TMC8: variants seen among roughly 807,000 people sequenced by gnomAD.
The protein encoded by TMC8 is transmembrane channel-like protein 8.
TMC8 carries 71 observed loss-of-function variants against 76.0 expected under a neutral mutation model. That is an observed-to-expected ratio of 0.93 (90% CI 0.77 to 1.14). TMC8 has a LOEUF of 1.14. Ranked by LOEUF, TMC8 falls within the 50% of genes most tolerant of loss-of-function variation. TMC8 has a pLI of 0.00. For missense variants in TMC8, 924 were observed against 947.9 expected (o/e 0.97, Z 0.33); for synonymous variants, 433 against 433.8 (o/e 1.00, Z 0.02).
At chr17:78,131,829 C>T (rs2074987250) in intron 2 of TMC8, 53 bp from the exon 3 acceptor site, 1 of 1,405,298 alleles carries the variant, frequency 7.1e-7, no homozygotes. Context: ...CTGCTTGGCC[C>T]GGGTGGGCAG....
intron 7 of TMC8, 125 bp from the exon 8 acceptor site, chr17:78,134,269 G>A (rs1870782679): frequency 8.2e-7 from 1 of 1,212,744 alleles, no homozygotes; most frequent in Admixed American, 1.7e-5. Context: ...GCATGACAGT[G>A]TGAGAGTTTG....
chr17:78,138,895 G>T (rs1344880852), intron 14 of TMC8, 163 bp downstream of exon 14: 2 of 1,536,748 alleles, frequency 1.3e-6, no homozygotes, highest in Non-Finnish European at 8.7e-7. Flanking sequence ...CCACCCTCTG[G>T]GCTGCCATGG....
chr17:78,133,897 A>C lies in TMC8; in HGVS notation c.713A>C (p.Tyr238Ser). ...LPQKTLLGQGYQAPLSAKVFS... is the reference protein window; with the variant it reads ...LPQKTLLGQGSQAPLSAKVFS... ...CAGAAGACTCTGCTGGGTCAGGGCT[A>C]TCAGGCGCCTCTCAGCGCCAAGGTC... The change falls in exon 7 of 16, where the codon TAT (tyrosine) becomes TCT (serine). Residue 238 changes from tyrosine (Y) to serine (S), a missense_variant. Tyr to Ser is a moderately radical substitution (Grantham distance 144, BLOSUM62 -2). Coordinates refer to ENST00000318430, the MANE Select transcript of TMC8 (RefSeq NM_152468.5). The C allele has an allele frequency of 6.2e-7, 1 of 1,613,496 alleles. No individual in the cohort carries two copies. Among genetic ancestry groups the C allele is most frequent in the Non-Finnish European group, 8.5e-7 (1 of 1,180,046 alleles).
rs936875281 is a variant in TMC8, at chr17:78,132,770, C to T, written c.449-18C>T. 12 of 1,613,602 alleles carry T rather than the reference C, an allele frequency of 7.4e-6. No individual in the cohort carries two copies. The African/African-American group carries it at 8.0e-5, about 11-fold the overall frequency. On this transcript the variant is annotated intron_variant, in intron 4 of 15. Coordinates refer to ENST00000318430, the MANE Select transcript of TMC8 (RefSeq NM_152468.5). ...GCCTTGGGGATCCCTCTCTATTGAC[C>T]CCCTTCCTCCTCAACAGCCCTCCAG...
In TMC8 at chr17:78,133,788, C is replaced by G. The variant is rs991037754; in HGVS notation, c.669-65C>G. The stretch of plus-strand genomic sequence containing the variant: ...GGGCCTTCCCAGACCCAGAGCCGAG[C>G]CAAGGCTGAGGCTGGATGGTAGAGG... On this transcript the variant is annotated intron_variant, in intron 6 of 15. Coordinates refer to ENST00000318430, the MANE Select transcript of TMC8 (RefSeq NM_152468.5). 5 of 1,609,004 alleles carry G rather than the reference C, an allele frequency of 3.1e-6. No individual in the cohort carries two copies. In the African/African-American group the frequency reaches 5.3e-5, roughly 17 times the overall value.
At position 78,138,747 on chromosome 17, in the gene TMC8, C is replaced by T. The variant is rs7221365; in HGVS notation, c.1823+15C>T. On this transcript the variant is annotated intron_variant, in intron 14 of 15. Coordinates refer to ENST00000318430, the MANE Select transcript of TMC8 (RefSeq NM_152468.5). Reference sequence around the variant, plus strand: ...ATCATGCTCAGGTTCTCAGGGCAGCCGGGGCCATGGGAGGGGACACCTGGA... The same window carrying T: ...ATCATGCTCAGGTTCTCAGGGCAGCTGGGGCCATGGGAGGGGACACCTGGA... 2.5e-6 allele frequency: 4 copies of T among 1,602,990 alleles called. No individual in the cohort carries two copies. The highest frequency in any genetic ancestry group is 1.6e-4 in the Middle Eastern group (1 of 6,082).
chr17:78,140,903 T>C lies in TMC8; in HGVS notation c.1972T>C (p.Ser658Pro), dbSNP rs1294512911. 4 of 1,607,930 alleles carry C rather than the reference T, an allele frequency of 2.5e-6. No homozygotes were observed. In the East Asian group the frequency reaches 6.7e-5, roughly 27 times the overall value. ...GCTGCCGGAGCCAGGCCCGAGCGAC[T>C]CTCCGGGCCCCAAGTACCCTGCCTC... ...RLLPEPGPSD[S>P]PGPKYPASQA... Residue 658 changes from serine (S) to proline (P), a missense_variant, in exon 16 of 16, where the codon TCT (serine) becomes CCT (proline). Physicochemically the swap from Ser to Pro is moderately conservative, Grantham distance 74. Coordinates refer to ENST00000318430, the MANE Select transcript of TMC8 (RefSeq NM_152468.5).
At position 78,137,789 on chromosome 17, in the gene TMC8, G is replaced by A. The variant is rs144134870; in HGVS notation, c.1324G>A (p.Ala442Thr). Residue 442 changes from alanine to threonine, a missense_variant, in exon 11 of 16, where the codon GCC becomes ACC. Physicochemically the swap from Ala to Thr is moderately conservative, Grantham distance 58 (BLOSUM62 0). Coordinates refer to ENST00000318430, the MANE Select transcript of TMC8 (RefSeq NM_152468.5). The stretch of plus-strand genomic sequence containing the variant: ...CAACTTCCTCCTCACCGTGGCCTTC[G>A]CCTTCCTGGTCACCCTGCCTCGGAG... Reference protein sequence around the residue: ...IFNFLLTVAFAFLVTLPRRLL... With the variant: ...IFNFLLTVAFTFLVTLPRRLL... The A allele has an allele frequency of 2.2e-5, 36 of 1,613,374 alleles. No homozygotes were observed. Among genetic ancestry groups the A allele is most frequent in the Admixed American group, 5.0e-5 (3 of 60,008 alleles).
chr17:78,134,104 C>A (rs1598908933), intron 7 of TMC8, 104 bp downstream of exon 7: 3 of 1,532,346 alleles, frequency 2.0e-6, no homozygotes, highest in East Asian at 2.2e-5. Context: ...TGCGACCGTG[C>A]CAGTGTGTGT....
At position 78,142,768 on chromosome 17, in the gene TMC8, C is replaced by T. The variant is rs1377280505; in HGVS notation, c.*1656C>T. The T allele has an allele frequency of 6.6e-6, 1 of 152,286 alleles. No homozygotes were observed. The highest frequency in any genetic ancestry group is 2.4e-5 in the African/African-American group (1 of 41,450). 9.4% of individuals were successfully genotyped at this position (152,286 alleles called of 1,614,324 possible). ...AGAAATGAACATTCCCAGGCCCCACCTCAGCCTCCTGAATCAGAGCATCCC... is the reference window on the plus strand; with the variant it reads ...AGAAATGAACATTCCCAGGCCCCACTTCAGCCTCCTGAATCAGAGCATCCC... On this transcript the variant is annotated 3_prime_UTR_variant, in exon 16 of 16. Transcript: ENST00000318430.
chr17:78,137,132 A>G, intron 9 of TMC8, 103 bp from the exon 10 acceptor site: 1 of 1,549,568 alleles, frequency 6.5e-7, no homozygotes, highest in Non-Finnish European at 8.7e-7. Flanking sequence ...TGGGCCCAGG[A>G]CACAACATGA....
intron 3 of TMC8, 144 bp downstream of exon 3, chr17:78,132,174 C>T (rs1380844432): frequency 7.1e-7 from 1 of 1,415,690 alleles, no homozygotes; most frequent in Non-Finnish European, 9.6e-7. Flanking sequence ...CCCCTTCCGC[C>T]CGCAGGCACC....
chr17:78,141,005 G>A lies in TMC8; in HGVS notation c.2074G>A (p.Gly692Ser), dbSNP rs2075362693. ...CCCGGGCCACCAGGCCCCGCGGCCGGGCCCCTCCGTCGTGGATGCCGCGGG... is the reference window on the plus strand; with the variant it reads ...CCCGGGCCACCAGGCCCCGCGGCCGAGCCCCTCCGTCGTGGATGCCGCGGG... ...GSPGHQAPRP[G>S]PSVVDAAGLR... The change falls in exon 16 of 16, where the codon GGC becomes AGC. Residue 692 changes from glycine (G) to serine (S), a missense_variant. Physicochemically the swap from Gly to Ser is moderately conservative, Grantham distance 56. Coordinates refer to ENST00000318430, the MANE Select transcript of TMC8 (RefSeq NM_152468.5). 2 of 1,595,448 alleles carry A rather than the reference G, an allele frequency of 1.3e-6. No homozygotes were observed. The highest frequency in any genetic ancestry group is 1.7e-6 in the Non-Finnish European group (2 of 1,172,228).
chr17:78,138,339 G>A lies in TMC8; in HGVS notation c.1534-10G>A. ...CGCTGACTCCTGGTTGCTATTGCTTGCGCCCCCAGTACACCCTCCTGAAGA... is the reference window on the plus strand; with the variant it reads ...CGCTGACTCCTGGTTGCTATTGCTTACGCCCCCAGTACACCCTCCTGAAGA... On this transcript the variant is annotated splice_polypyrimidine_tract_variant and intron_variant, in intron 12 of 15. Transcript: ENST00000318430. 2 of 1,610,658 alleles carry A rather than the reference G, an allele frequency of 1.2e-6. No individual in the cohort carries two copies. The highest frequency in any genetic ancestry group is 1.7e-6 in the Non-Finnish European group (2 of 1,179,998).
At position 78,141,399 on chromosome 17, in the gene TMC8, TCTG is replaced by T. The variant is rs1165755151; in HGVS notation, c.*291_*293del. 6.7e-6 allele frequency: 2 copies of T among 298,806 alleles called. No homozygotes were observed. The highest frequency in any genetic ancestry group is 2.2e-5 in the African/African-American group (1 of 46,508). The allele number at this position is 298,806 out of a possible 1,614,324, so 18.5% of individuals were successfully genotyped here. On this transcript the variant is annotated 3_prime_UTR_variant, in exon 16 of 16. Transcript: ENST00000318430. ...GAATGCGATTTTTTCTAGAATGTGT[TCTG>T]CTGATTTGTTTTAGAGCCATGAGTG...
chr17:78,131,862 C>T lies in TMC8; in HGVS notation c.150-20C>T. ...CAGGGCGGGTGACTCAGGGGCGCCC[C>T]TGTCACCACCCCCGTCCAGGCAGCT... On this transcript the variant is annotated intron_variant, in intron 2 of 15. Coordinates refer to ENST00000318430, the MANE Select transcript of TMC8 (RefSeq NM_152468.5). The T allele has an allele frequency of 6.8e-7, 1 of 1,462,078 alleles. No homozygotes were observed. Among genetic ancestry groups the T allele is most frequent in the East Asian group, 2.6e-5 (1 of 37,986 alleles). 90.6% of individuals were successfully genotyped at this position (1,462,078 alleles called of 1,614,324 possible). A position where few individuals can be genotyped will look rare whatever the true frequency, so the allele number is the denominator to read the frequency against.
chr17:78,137,644 T>C, intron 10 of TMC8, 73 bp from the exon 11 acceptor site: 5 of 1,395,960 alleles, frequency 3.6e-6, no homozygotes, highest in Non-Finnish European at 5.1e-6. Flanking sequence ...ACAGAAACCC[T>C]CACAGGAGGC....
intron 14 of TMC8, 176 bp from the exon 15 acceptor site, chr17:78,138,986 G>C: frequency 6.5e-7 from 1 of 1,547,300 alleles, no homozygotes; most frequent in Non-Finnish European, 8.7e-7. Flanking sequence ...CCAGAGGGGA[G>C]GGGATGAGGG....
At chr17:78,132,196 G>A (rs995786120) in intron 3 of TMC8, 163 bp from the exon 4 acceptor site, 4 of 1,380,910 alleles carry the variant, frequency 2.9e-6, no homozygotes, top group African/African-American at 2.9e-5. Context: ...CAAACCTCGG[G>A]CCCACGCAGC....
Sources: allele counts gnomAD v4.1 joint callset, GRCh38; gene constraint gnomAD v4.1.1; transcripts MANE v1.5; gene names NCBI Gene and HGNC (gene_info 2026-07-23, HGNC 2026-07-21).